ATP13A3: variants seen among roughly 807,000 people sequenced by gnomAD.
ATP13A3 encodes polyamine-transporting ATPase 13A3.
In ATP13A3, 59 loss-of-function variants were observed where a neutral mutation model predicts 158.1. The observed-to-expected ratio is 0.37, with a 90% CI of 0.30 to 0.46. ATP13A3 has a LOEUF of 0.46. Ranked by LOEUF, ATP13A3 falls within the 20% of genes least tolerant of loss-of-function variation. ATP13A3 has a pLI of 1.00. For missense variants in ATP13A3, 1,166 were observed against 1,525.2 expected, an observed-to-expected ratio of 0.76 and a Z score of 3.92; for synonymous variants, 491 against 504.3, an observed-to-expected ratio of 0.97 and a Z score of 0.35.
chr3:194,461,424 A>G (rs1053101248), intron 3 of ATP13A3, among the ~76,000 whole-genome samples: 1 of 152,198 alleles, frequency 6.6e-6, no homozygotes, highest in African/African-American at 2.4e-5. Context: ...GCACAATATA[A>G]TCGAGAGTAT....
At chr3:194,488,433 C>T (rs2131911), upstream of ATP13A3, 16,378 of 152,410 alleles carry the variant, frequency 0.11, 1,494 homozygotes, top group African/African-American at 0.24. The surrounding 1 kb of genome is among the most constrained non-coding windows in gnomAD (Gnocchi z 4.1). Context: ...CTCCCTCCAA[C>T]TAGCTTCCAA....
At position 194,448,753 on chromosome 3, in the gene ATP13A3, CT is replaced by C. The variant is rs1227515540; in HGVS notation, c.971-118del. 5.6e-5 allele frequency: 60 copies of C among 1,074,316 alleles called. No individual in the cohort carries two copies. Among genetic ancestry groups the C allele is most frequent in the Non-Finnish European group, 7.7e-5 (59 of 769,342 alleles). The allele number at this position is 1,074,316 out of a possible 1,614,324, so 66.5% of individuals were successfully genotyped here. On this transcript the variant is annotated intron_variant, in intron 11 of 33. Coordinates refer to ENST00000645319, the MANE Select transcript of ATP13A3 (RefSeq NM_001367549.1). This position sits in a 1 kb window ranked among gnomAD's most constrained non-coding sequence, Gnocchi z 4.0. ...GTTAAATATTTTAAATGCTACCATA[CT>C]GTTTACAATAATCACTGAGAGTTGT...
At chr3:194,460,469 A>G (rs2108969843) in intron 4 of ATP13A3, among the ~76,000 whole-genome samples, 189 bp downstream of exon 4, 1 of 152,302 alleles carries the variant, frequency 6.6e-6, no homozygotes, top group Admixed American at 6.5e-5. Context: ...CATCTTTAAG[A>G]TTCCTTTAAA....
intron 30 of ATP13A3, among the ~76,000 whole-genome samples, chr3:194,423,781 C>T (rs1034746949): frequency 9.9e-5 from 15 of 151,984 alleles, no homozygotes; most frequent in Admixed American, 3.9e-4. Flanking sequence ...AATAAGTTTT[C>T]CAAACATATA....
chr3:194,492,794 G>T (rs1158982633), intron 2 of ATP13A3, among the ~76,000 whole-genome samples: 1 of 152,034 alleles, frequency 6.6e-6, no homozygotes, highest in Non-Finnish European at 1.5e-5. Context: ...CTTATAATAC[G>T]ATGTAAATTC....
At position 194,427,060 on chromosome 3, in the gene ATP13A3, G is replaced by C; in HGVS notation, c.3125+15C>G. 1 of 1,602,138 alleles carries C rather than the reference G, an allele frequency of 6.2e-7. No homozygotes were observed. The highest frequency in any genetic ancestry group is 8.5e-7 in the Non-Finnish European group (1 of 1,176,248). ...CATATTTTATATAGATTTTTACATAGATTGACCAACTTACTCTGATTTTGG... is the reference window on the plus strand; with the variant it reads ...CATATTTTATATAGATTTTTACATACATTGACCAACTTACTCTGATTTTGG... On this transcript the variant is annotated intron_variant, in intron 29 of 33. Transcript: ENST00000645319.
At chr3:194,436,775 G>A (rs1649490535) in intron 20 of ATP13A3, among the ~76,000 whole-genome samples, 2 of 152,190 alleles carry the variant, frequency 1.3e-5, no homozygotes, top group Admixed American at 1.3e-4. Flanking sequence ...TTGAACCGGG[G>A]AGGTGGAGGT....
rs1718459429 is a variant in ATP13A3 at position 194,447,121 on chromosome 3, A to T, written c.1309-6T>A. 3.1e-6 allele frequency: 5 copies of T among 1,592,152 alleles called. No individual in the cohort carries two copies. Among genetic ancestry groups the T allele is most frequent in the Admixed American group, 3.7e-5 (2 of 54,108 alleles). On this transcript the variant is annotated splice_region_variant and splice_polypyrimidine_tract_variant and intron_variant, in intron 13 of 33. Transcript: ENST00000645319. ...ATTATGACCCCAACTTGTACCTACA[A>T]TTAACACAAAAATAAATGTCAAATC...
chr3:194,448,380 G>T lies in ATP13A3; in HGVS notation c.1150+77C>A. On this transcript the variant is annotated intron_variant, in intron 12 of 33. Coordinates refer to ENST00000645319, the MANE Select transcript of ATP13A3 (RefSeq NM_001367549.1). This position sits in a 1 kb window ranked among gnomAD's most constrained non-coding sequence, Gnocchi z 4.0. ...GGCGTTAGCCACAGCACCCAGCCCA[G>T]AATCTCTTTTTAAACATTTAGTAGG... The T allele has an allele frequency of 6.5e-7, 1 of 1,530,814 alleles. No homozygotes were observed. The highest frequency in any genetic ancestry group is 2.3e-5 in the East Asian group (1 of 44,362). The allele number at this position is 1,530,814 out of a possible 1,614,324, so 94.8% of individuals were successfully genotyped here.
chr3:194,441,486 G>A (rs762032382), intron 15 of ATP13A3, 25 bp from the exon 16 acceptor site: 6 of 1,592,932 alleles, frequency 3.8e-6, no homozygotes, highest in Non-Finnish European at 5.2e-6. Context: ...CACTGAATTA[G>A]TTTCATAAAT....
At chr3:194,408,519 A>G (rs1715121125) in intron 33 of ATP13A3, among the ~76,000 whole-genome samples, 1 of 152,254 alleles carries the variant, frequency 6.6e-6, no homozygotes, top group Non-Finnish European at 1.5e-5. Flanking sequence ...ACTGTTCCCT[A>G]CTTGTGGAAA....
rs1364991792 is a variant in ATP13A3, at chr3:194,430,400, T to C, written c.2625-85A>G. 2.1e-6 allele frequency: 3 copies of C among 1,403,624 alleles called. No homozygotes were observed. In the African/African-American group the frequency reaches 4.3e-5, roughly 20 times the overall value. 86.9% of individuals were successfully genotyped at this position (1,403,624 alleles called of 1,614,324 possible). A position where few individuals can be genotyped will look rare whatever the true frequency, so the allele number is the denominator to read the frequency against. On this transcript the variant is annotated intron_variant, in intron 24 of 33. Coordinates refer to ENST00000645319, the MANE Select transcript of ATP13A3 (RefSeq NM_001367549.1). ...TTATTAAGACTTTTCTATTACAGTA[T>C]TATAAAGAGCTAACACACCAAGATT...
intron 2 of ATP13A3, among the ~76,000 whole-genome samples, chr3:194,483,424 T>TAAAAAAAAAA (rs1350527361): frequency 1.4e-5 from 1 of 70,644 alleles, no homozygotes; most frequent in East Asian, 3.5e-4. Context: ...AACCCACCTC[T>TAAAAAAAAAA]ACAAAAAAAA....
chr3:194,405,803 A>C lies in ATP13A3; in HGVS notation c.*116T>G. 1 of 1,045,994 alleles carries C rather than the reference A, an allele frequency of 9.6e-7. No individual in the cohort carries two copies. The highest frequency in any genetic ancestry group is 1.4e-6 in the Non-Finnish European group (1 of 701,952). The allele number at this position is 1,045,994 out of a possible 1,614,324, so 64.8% of individuals were successfully genotyped here. ...GAGCAAAGCTGTCAAATAAGCTACT[A>C]TATCAGAAGGGACATAAACTGAACT... is the stretch of plus-strand genomic sequence containing the variant. On this transcript the variant is annotated 3_prime_UTR_variant, in exon 34 of 34. Transcript: ENST00000645319.
At chr3:194,424,151 T>C (rs1403145108) in intron 30 of ATP13A3, among the ~76,000 whole-genome samples, 1 of 151,908 alleles carries the variant, frequency 6.6e-6, no homozygotes, top group African/African-American at 2.4e-5. Context: ...AGCATGGTTC[T>C]AATACAGTTC....
At chr3:194,453,401 T>G (rs913912242) in intron 10 of ATP13A3, among the ~76,000 whole-genome samples, 2 of 149,714 alleles carry the variant, frequency 1.3e-5, no homozygotes, top group Admixed American at 6.7e-5. Flanking sequence ...GAGACCAGAC[T>G]GGGCAACATG....
At position 194,437,689 on chromosome 3, in the gene ATP13A3, T is replaced by A. The variant is rs1196965198; in HGVS notation, c.1828-116A>T. Reference sequence around the variant, plus strand: ...ATTATTTGGAAAAGAAACAAGCAACTGTTTTTCAAAGTCAGGATTCAAGAT... The same window carrying A: ...ATTATTTGGAAAAGAAACAAGCAACAGTTTTTCAAAGTCAGGATTCAAGAT... On this transcript the variant is annotated intron_variant, in intron 17 of 33. Coordinates refer to ENST00000645319, the MANE Select transcript of ATP13A3 (RefSeq NM_001367549.1). The A allele has an allele frequency of 2.7e-6, 3 of 1,108,256 alleles. No homozygotes were observed. The African/African-American group carries it at 4.8e-5, about 18-fold the overall frequency. 68.7% of individuals were successfully genotyped at this position (1,108,256 alleles called of 1,614,324 possible). A position where few individuals can be genotyped will look rare whatever the true frequency, so the allele number is the denominator to read the frequency against.
rs919139054 is a variant in ATP13A3, at chr3:194,431,755, G to A, written c.2383C>T (p.Leu795Phe). 6.2e-7 allele frequency: 1 copy of A among 1,610,918 alleles called. No individual in the cohort carries two copies. The highest frequency in any genetic ancestry group is 8.5e-7 in the Non-Finnish European group (1 of 1,178,840). Reference protein sequence around the residue: ...AKINWHYADSLTQCSHPSAID... With the variant: ...AKINWHYADSFTQCSHPSAID... The stretch of plus-strand genomic sequence containing the variant: ...GCTGATGGATGACTGCACTGCGTGA[G>A]GGAGTCTGCATAATGCCAATTTATT... Residue 795 changes from leucine (L) to phenylalanine (F), a missense_variant, in exon 22 of 34, where the codon CTC (leucine) becomes TTC (phenylalanine). Around this residue, in one of 3 missense-constraint regions of ATP13A3, gnomAD observed 997 missense variants for 1,341.2 expected, o/e 0.74. Coordinates refer to ENST00000645319, the MANE Select transcript of ATP13A3 (RefSeq NM_001367549.1).
At chr3:194,425,236 C>G in intron 30 of ATP13A3, 106 bp downstream of exon 30, 1 of 1,045,780 alleles carries the variant, frequency 9.6e-7, no homozygotes, top group Admixed American at 2.6e-5. Flanking sequence ...TTGATTCTAT[C>G]TGTGAAGATC....
Sources: allele counts gnomAD v4.1 joint callset (sites outside exome capture counted in the v4.1 genomes callset), GRCh38; gene constraint gnomAD v4.1.1; regional missense constraint gnomAD v4.1.1; non-coding constraint Gnocchi (gnomAD v3.1); transcripts MANE v1.5; gene names NCBI Gene and HGNC (gene_info 2026-07-23, HGNC 2026-07-21).